Variants in WDR62 observed in about 807,000 individuals in gnomAD.
WDR62 encodes the protein WD repeat domain 62, also known as WD repeat-containing protein 62.
A neutral mutation model predicts 160.6 loss-of-function variants in WDR62; 112 were observed. The observed-to-expected ratio is 0.70, with a 90% CI of 0.60 to 0.82. WDR62 has a LOEUF of 0.82. Ranked by LOEUF, WDR62 falls within the 40% of genes least tolerant of loss-of-function variation. The probability of loss-of-function intolerance (pLI) is 0.00; values close to 1 mark genes in which losing one functional copy is unlikely to be tolerated. For missense variants in WDR62, 1,819 were observed against 1,983.8 expected (o/e 0.92, Z 1.58); for synonymous variants, 792 against 815.1 (o/e 0.97, Z 0.48).
At position 36,103,635 on chromosome 19, in the gene WDR62, C is replaced by T. The variant is rs1015434190; in HGVS notation, c.3807C>T (p.Thr1269=). 6 of 1,610,048 alleles carry T rather than the reference C, an allele frequency of 3.7e-6. No individual in the cohort carries two copies. The Admixed American group carries it at 5.0e-5, about 13-fold the overall frequency. ...TGGGCCAGGAGCTTCAGGCCATCAC[C>T]ACCGCGACAACACCCAGTTTGGACA... The part of the protein sequence containing the change: ...ASLGQELQAI[T]TATTPSLDSE... The change falls in exon 30 of 32, where the codon ACC becomes ACT. Residue 1269 remains threonine, a synonymous_variant. Coordinates refer to ENST00000401500, the MANE Select transcript of WDR62 (RefSeq NM_001083961.2).
intron 3 of WDR62, chr19:36,060,268 A>T: frequency 1.7e-6 from 1 of 576,472 alleles, no homozygotes; most frequent in East Asian, 2.9e-5. Flanking sequence ...TCAGCAAATT[A>T]CGGGCTGATC....
At chr19:36,097,288 A>G (rs1973031155) in intron 21 of WDR62, among the ~76,000 whole-genome samples, 1 of 152,258 alleles carries the variant, frequency 6.6e-6, no homozygotes. Flanking sequence ...ACAGTGAGCA[A>G]GGGAAACAAA....
chr19:36,056,143 G>A (rs1006820098), intron 1 of WDR62, among the ~76,000 whole-genome samples: 1 of 152,180 alleles, frequency 6.6e-6, no homozygotes, highest in African/African-American at 2.4e-5. Flanking sequence ...TCCAGCCTGG[G>A]CGACAGAGTG....
At chr19:36,087,723 G>A (rs1972334733) in intron 13 of WDR62, among the ~76,000 whole-genome samples, 1 of 152,152 alleles carries the variant, frequency 6.6e-6, no homozygotes, top group Non-Finnish European at 1.5e-5. Flanking sequence ...GGAGGCTGAG[G>A]CAGGAGAATA....
At chr19:36,073,215 G>A in intron 8 of WDR62, 127 bp from the exon 9 acceptor site, 1 of 893,200 alleles carries the variant, frequency 1.1e-6, no homozygotes, top group Non-Finnish European at 1.8e-6. Flanking sequence ...ATTGGAGCAG[G>A]AGAGATGGAT....
At chr19:36,110,496 C>T in the WDR62 span, among the ~76,000 whole-genome samples, 1 of 152,130 alleles carries the variant, frequency 6.6e-6, no homozygotes, top group African/African-American at 2.4e-5. Flanking sequence ...AAATAGGAGA[C>T]CCCCTTTTAC....
At chr19:36,108,853 C>CAA (rs780896466), downstream of WDR62, among the ~76,000 whole-genome samples, 13 of 50,732 alleles carry the variant, frequency 2.6e-4, no homozygotes, top group South Asian at 6.2e-4. Flanking sequence ...GGCCCTGTCT[C>CAA]AAAAAAAAAA....
chr19:36,107,266 G>GCACACCCT (rs1973733271), downstream of WDR62, among the ~76,000 whole-genome samples: 2 of 152,230 alleles, frequency 1.3e-5, no homozygotes, highest in African/African-American at 2.4e-5. Context: ...GCACCCAGCA[G>GCACACCCT]CACACCCTCA....
chr19:36,101,496 C>A, intron 24 of WDR62, 168 bp from the exon 25 acceptor site: 1 of 787,234 alleles, frequency 1.3e-6, no homozygotes, highest in Non-Finnish European at 2.2e-6. Context: ...GAGAGCCCAG[C>A]TCTGCCACCT....
intron 3 of WDR62, 132 bp downstream of exon 3, chr19:36,060,162 G>A (rs1010676923): frequency 2.6e-5 from 24 of 940,892 alleles, no homozygotes; most frequent in Admixed American, 1.8e-4. Flanking sequence ...AGCAGCATTC[G>A]CCTGTGCTGG....
chr19:36,088,932 G>C, intron 13 of WDR62, 106 bp from the exon 14 acceptor site: 1 of 1,315,156 alleles, frequency 7.6e-7, no homozygotes. Context: ...AGGAAGCCTT[G>C]ATCCCAGCAC....
In WDR62 at chr19:36,083,225, C is replaced by G. The variant is rs201993064; in HGVS notation, c.1534C>G (p.Arg512Gly). The G allele has an allele frequency of 1.6e-5, 25 of 1,602,028 alleles. No homozygotes were observed. The highest frequency in any genetic ancestry group is 2.0e-5 in the Non-Finnish European group (23 of 1,173,822). ...PDGQHLASGD[R>G]SGNLRIHELH... Reference sequence around the variant, plus strand: ...CGGCCAGCATTTGGCTTCAGGCGACCGAAGTGGAAATCTGAGGCAAGTGGG... The same window carrying G: ...CGGCCAGCATTTGGCTTCAGGCGACGGAAGTGGAAATCTGAGGCAAGTGGG... Residue 512 changes from arginine (R) to glycine (G), a missense_variant, in exon 11 of 32, where the codon CGA becomes GGA. This residue lies in a region of WDR62 where 934 missense variants were observed against 1,157.2 expected (regional missense o/e 0.81). Transcript: ENST00000401500.
chr19:36,104,004 G>A, intron 30 of WDR62, 23 bp downstream of exon 30: 1 of 1,597,056 alleles, frequency 6.3e-7, no homozygotes, highest in African/African-American at 1.3e-5. Flanking sequence ...CTGGAGCAAG[G>A]ACTGTCCCCT....
intron 3 of WDR62, chr19:36,061,393 A>T (rs1970638230): frequency 6.6e-6 from 1 of 152,226 alleles, no homozygotes; most frequent in Non-Finnish European, 1.5e-5. Context: ...GCTACAAACC[A>T]GAGTCACACA....
intron 23 of WDR62, 23 bp downstream of exon 23, chr19:36,100,898 G>C (rs373948489): frequency 6.2e-7 from 1 of 1,613,954 alleles, no homozygotes; most frequent in Admixed American, 1.7e-5. Flanking sequence ...TCCACCAAGG[G>C]AGCCTTAGTT....
chr19:36,073,626 A>T, intron 9 of WDR62, 95 bp downstream of exon 9: 1 of 1,008,280 alleles, frequency 9.9e-7, no homozygotes, highest in Non-Finnish European at 1.5e-6. Flanking sequence ...GAAGATACTC[A>T]TTGACTCCCT....
chr19:36,104,897 G>A lies in WDR62; in HGVS notation c.4441G>A (p.Ala1481Thr), dbSNP rs761614407. The change falls in exon 32 of 32, where the codon GCT (alanine) becomes ACT (threonine). Residue 1481 changes from alanine to threonine, a missense_variant. By Grantham distance (58) the Ala-to-Thr change is moderately conservative. Coordinates refer to ENST00000401500, the MANE Select transcript of WDR62 (RefSeq NM_001083961.2). ...LVGTSVAPAQ[A>T]LPSPGPPSPP... Reference sequence around the variant, plus strand: ...GGGGACTAGTGTGGCCCCAGCCCAGGCTCTGCCCAGCCCAGGACCCCCGTC... The same window carrying A: ...GGGGACTAGTGTGGCCCCAGCCCAGACTCTGCCCAGCCCAGGACCCCCGTC... The A allele has an allele frequency of 2.5e-5, 40 of 1,611,270 alleles. No individual in the cohort carries two copies. In the Admixed American group the frequency reaches 6.5e-4, roughly 26 times the overall value.
chr19:36,057,714 G>A (rs12462171), intron 1 of WDR62, among the ~76,000 whole-genome samples: 10 of 152,140 alleles, frequency 6.6e-5, no homozygotes, highest in African/African-American at 2.2e-4. Context: ...ACAGGGTTTC[G>A]CCATCTTGGC....
At chr19:36,093,736 A>G (rs910101635) in intron 19 of WDR62, among the ~76,000 whole-genome samples, 1 of 152,174 alleles carries the variant, frequency 6.6e-6, no homozygotes, top group Non-Finnish European at 1.5e-5. Context: ...GCTACCACCT[A>G]CAGGAAGCCC....
Sources: gnomAD v4.1 joint callset for allele counts (sites outside exome capture counted in the v4.1 genomes callset) on GRCh38, gnomAD v4.1.1 for gene constraint, gnomAD v4.1.1 regional missense constraint, MANE v1.5 for transcripts, NCBI Gene and HGNC (gene_info 2026-07-23, HGNC 2026-07-21) for gene names.